VSTM4: variants seen among roughly 807,000 people sequenced by gnomAD.
VSTM4 encodes the protein V-set and transmembrane domain-containing protein 4.
VSTM4 carries 20 observed loss-of-function variants against 36.4 expected under a neutral mutation model. The ratio of observed to expected loss-of-function variants is 0.55; its 90% CI spans 0.39 to 0.80. The LOEUF (loss-of-function observed/expected upper bound fraction) is 0.80. Ranked by LOEUF, VSTM4 falls within the 30% of genes least tolerant of loss-of-function variation. The pLI is 0.00. For synonymous variants in VSTM4, 182 were observed against 173.9 expected, an observed-to-expected ratio of 1.05 and a Z score of -0.37; for missense variants, 392 against 404.5, an observed-to-expected ratio of 0.97 and a Z score of 0.26.
intron 3 of VSTM4, among the ~76,000 whole-genome samples, chr10:49,079,891 A>G (rs1026354156): frequency 6.6e-6 from 1 of 152,126 alleles, no homozygotes; most frequent in African/African-American, 2.4e-5. Flanking sequence ...GAATATGCAT[A>G]TATTTTTAAA....
intron 2 of VSTM4, chr10:49,103,939 C>T: frequency 8.5e-7 from 1 of 1,170,368 alleles, no homozygotes; most frequent in South Asian, 1.4e-5. Context: ...CTCAAACCCC[C>T]AAGAGCTCCT....
At chr10:49,115,407 C>G in intron 1 of VSTM4, 24 bp downstream of exon 1, 1 of 1,017,114 alleles carries the variant, frequency 9.8e-7, no homozygotes, top group Non-Finnish European at 1.2e-6. Flanking sequence ...CCTTCCCGCT[C>G]CCGCCTGGCC....
chr10:49,059,795 T>G (rs1843843619), intron 5 of VSTM4, among the ~76,000 whole-genome samples: 1 of 152,230 alleles, frequency 6.6e-6, no homozygotes, highest in Non-Finnish European at 1.5e-5. Context: ...TTTAGATTCA[T>G]GCATCACTAC....
intron 1 of VSTM4, among the ~76,000 whole-genome samples, chr10:49,114,585 G>GTT (rs33942311): frequency 0.26 from 36,444 of 142,188 alleles, 4,773 homozygotes; most frequent in African/African-American, 0.29. Flanking sequence ...CCAAGTTCAT[G>GTT]TTTTTTTTTT....
At chr10:49,071,960 T>C (rs1844087185) in intron 4 of VSTM4, among the ~76,000 whole-genome samples, 1 of 152,218 alleles carries the variant, frequency 6.6e-6, no homozygotes, top group Non-Finnish European at 1.5e-5. Context: ...CTCAGTAGTG[T>C]ATAGATGTAC....
At chr10:49,021,667 AT>A (rs1407691260) in intron 7 of VSTM4, among the ~76,000 whole-genome samples, 1 of 151,976 alleles carries the variant, frequency 6.6e-6, no homozygotes, top group Non-Finnish European at 1.5e-5. Flanking sequence ...CTTAGACATC[AT>A]TTATTTGTCT....
At position 49,103,848 on chromosome 10, in the gene VSTM4, T is replaced by C. The variant is rs755007676; in HGVS notation, c.457+3746A>G. ...AAGAAAAGCTCCCCTCTCCACTGGA[T>C]GGCTGGAGACTCCTGTTGAAAGGAG... is the stretch of plus-strand genomic sequence containing the variant. On this transcript the variant is annotated intron_variant, in intron 2 of 7. Transcript: ENST00000332853. 7 of 1,613,834 alleles carry C rather than the reference T, an allele frequency of 4.3e-6. No homozygotes were observed. The African/African-American group carries it at 8.0e-5, about 18-fold the overall frequency.
chr10:49,030,995 C>T (rs1356959062), intron 7 of VSTM4, among the ~76,000 whole-genome samples: 2 of 152,228 alleles, frequency 1.3e-5, no homozygotes, highest in African/African-American at 4.8e-5. Flanking sequence ...CATTTCCTCT[C>T]CCCTGTGGTC....
rs145159982 is a variant in VSTM4 at position 49,093,009 on chromosome 10, C to T, written c.458-6986G>A. Among the ~76,000 whole-genome samples the T allele has an allele frequency of 8.0e-3, 1,218 of 152,238 alleles. 50 individuals carry two copies. The South Asian group carries it at 0.12, about 15-fold the overall frequency. ...AAAACCGTCTCCCTTCTACCTCCCC[C>T]ATTGACTGGGAGCTACTTGTACTCA... On this transcript the variant is annotated intron_variant, in intron 2 of 7. Transcript: ENST00000332853.
intron 6 of VSTM4, among the ~76,000 whole-genome samples, chr10:49,048,236 T>C (rs910574816): frequency 1.3e-5 from 2 of 152,226 alleles, no homozygotes; most frequent in East Asian, 1.9e-4. Context: ...GCTAAAGCTA[T>C]GCTAGGCCCT....
chr10:49,109,601 A>T (rs536260280), intron 1 of VSTM4, among the ~76,000 whole-genome samples: 12 of 152,288 alleles, frequency 7.9e-5, no homozygotes, highest in African/African-American at 2.4e-4. Context: ...CCCTTTTGTC[A>T]TATAACGTTC....
At chr10:49,038,443 AG>A (rs1190662272) in intron 7 of VSTM4, among the ~76,000 whole-genome samples, 1 of 152,166 alleles carries the variant, frequency 6.6e-6, no homozygotes, top group African/African-American at 2.4e-5. Context: ...GGTGGAAGCT[AG>A]GGGCTGGCTG....
intron 5 of VSTM4, among the ~76,000 whole-genome samples, chr10:49,053,334 G>A: frequency 6.6e-6 from 1 of 152,334 alleles, no homozygotes; most frequent in Non-Finnish European, 1.5e-5. Flanking sequence ...GCCAGAAGGA[G>A]CTTCTGTCCC....
At chr10:49,063,223 C>G (rs1843913512) in intron 5 of VSTM4, among the ~76,000 whole-genome samples, 1 of 151,894 alleles carries the variant, frequency 6.6e-6, no homozygotes, top group Admixed American at 6.6e-5. Flanking sequence ...GCCTGTAATC[C>G]CAGCTACTTG....
At chr10:49,072,989 C>G (rs17011744) in intron 4 of VSTM4, among the ~76,000 whole-genome samples, 68 of 152,162 alleles carry the variant, frequency 4.5e-4, no homozygotes, top group Non-Finnish European at 9.4e-4. Context: ...TGGGATTACC[C>G]GTGTGTGTTG....
chr10:49,033,905 CCAT>C, intron 7 of VSTM4, among the ~76,000 whole-genome samples: 1 of 152,080 alleles, frequency 6.6e-6, no homozygotes, highest in Non-Finnish European at 1.5e-5. Context: ...GCCATCACCA[CCAT>C]CATCATCACC....
rs1843126723 is a variant in VSTM4 at position 49,017,917 on chromosome 10, T to C, written c.*1733A>G. ...CCCAAAGAGATGCTCAAAGAAGTTC[T>C]AGTGAGTTCTTCCAAATGGTTCTTT... On this transcript the variant is annotated 3_prime_UTR_variant, in exon 8 of 8. Coordinates refer to ENST00000332853, the MANE Select transcript of VSTM4 (RefSeq NM_001031746.5). 6.6e-6 allele frequency: 1 copy of C among 152,236 alleles called. No homozygotes were observed. Among genetic ancestry groups the C allele is most frequent in the South Asian group, 2.1e-4 (1 of 4,826 alleles). 9.4% of individuals were successfully genotyped at this position (152,236 alleles called of 1,614,324 possible). A position where few individuals can be genotyped will look rare whatever the true frequency, so the allele number is the denominator to read the frequency against.
At chr10:49,037,056 G>A (rs552576567) in intron 7 of VSTM4, among the ~76,000 whole-genome samples, 1 of 152,284 alleles carries the variant, frequency 6.6e-6, no homozygotes, top group South Asian at 2.1e-4. Flanking sequence ...GTTGACATAC[G>A]GATGAGCTGT....
At chr10:49,037,940 G>GA (rs1281592277) in intron 7 of VSTM4, among the ~76,000 whole-genome samples, 1 of 149,520 alleles carries the variant, frequency 6.7e-6, no homozygotes, top group African/African-American at 2.4e-5. Context: ...TACTATCAAA[G>GA]AAAAAAAAAA....
Sources: allele counts gnomAD v4.1 joint callset (sites outside exome capture counted in the v4.1 genomes callset), GRCh38; gene constraint gnomAD v4.1.1; transcripts MANE v1.5; gene names NCBI Gene and HGNC (gene_info 2026-07-23, HGNC 2026-07-21).